SNTG1: variants seen among roughly 807,000 people sequenced by gnomAD.
The protein encoded by SNTG1 is syntrophin gamma 1.
In SNTG1, 39 loss-of-function variants were observed where a neutral mutation model predicts 74.7. That is an observed-to-expected ratio of 0.52 (90% CI 0.40 to 0.68). The LOEUF is 0.68. Ranked by LOEUF, SNTG1 falls within the 30% of genes least tolerant of loss-of-function variation. SNTG1 has a pLI of 0.00. For synonymous variants in SNTG1, 254 were observed against 217.1 expected (o/e 1.17, Z -1.49); for missense variants, 685 against 609.5 (o/e 1.12, Z -1.30).
chr8:49,969,403 T>A (rs1323160102), intron 1 of SNTG1, among the ~76,000 whole-genome samples: 1 of 139,182 alleles, frequency 7.2e-6, no homozygotes, highest in Non-Finnish European at 1.5e-5. Context: ...TTTTTTTTTT[T>A]TTTTTTTTTT....
chr8:50,762,471 A>G, intron 18 of SNTG1: 1 of 339,022 alleles, frequency 2.9e-6, no homozygotes, highest in South Asian at 2.8e-5. Context: ...TTTGTAATAA[A>G]TAAGGCAGTG....
chr8:50,360,629 C>T (rs763936330), intron 2 of SNTG1, among the ~76,000 whole-genome samples: 1 of 152,146 alleles, frequency 6.6e-6, no homozygotes, highest in Non-Finnish European at 1.5e-5. Context: ...ATGGGATAGC[C>T]TATTGGTCTT....
intron 1 of SNTG1, among the ~76,000 whole-genome samples, chr8:50,023,546 A>G (rs1817007371): frequency 6.6e-6 from 1 of 152,160 alleles, no homozygotes; most frequent in African/African-American, 2.4e-5. Context: ...GTCCTTAAAA[A>G]GTTTATTCAT....
At chr8:50,330,864 A>G (rs1263925772) in intron 2 of SNTG1, among the ~76,000 whole-genome samples, 1 of 152,220 alleles carries the variant, frequency 6.6e-6, no homozygotes, top group Non-Finnish European at 1.5e-5. Context: ...TCACAAGAAC[A>G]GAATAGGAAA....
chr8:49,912,482 C>G (rs1347600792), intron 1 of SNTG1, among the ~76,000 whole-genome samples: 1 of 152,164 alleles, frequency 6.6e-6, no homozygotes, highest in Non-Finnish European at 1.5e-5. Context: ...CTTTTTGGAT[C>G]TGGCATATCT....
intron 15 of SNTG1, among the ~76,000 whole-genome samples, chr8:50,668,360 T>G (rs1223976880): frequency 6.6e-6 from 1 of 151,742 alleles, no homozygotes; most frequent in Non-Finnish European, 1.5e-5. Context: ...TTCATTGACC[T>G]ATATTTGCTC....
intron 2 of SNTG1, among the ~76,000 whole-genome samples, chr8:50,316,610 C>A (rs1438932685): frequency 6.6e-6 from 1 of 151,926 alleles, no homozygotes; most frequent in Non-Finnish European, 1.5e-5. Context: ...ATGACCTAGG[C>A]CATATGACAA....
At chr8:50,548,734 T>C (rs2094405506) in intron 11 of SNTG1, among the ~76,000 whole-genome samples, 1 of 152,050 alleles carries the variant, frequency 6.6e-6, no homozygotes, top group Non-Finnish European at 1.5e-5. Flanking sequence ...GTGGAAGAGA[T>C]TCATTCCAAA....
chr8:50,584,512 C>CTTTTTTT (rs34546157), intron 12 of SNTG1, among the ~76,000 whole-genome samples: 4 of 126,782 alleles, frequency 3.2e-5, no homozygotes, highest in African/African-American at 3.0e-5. Flanking sequence ...TTCTCTGATT[C>CTTTTTTT]TTTTTTTTTT....
intron 1 of SNTG1, among the ~76,000 whole-genome samples, chr8:50,154,218 A>AC (rs950622375): frequency 6.6e-5 from 10 of 151,834 alleles, no homozygotes; most frequent in Admixed American, 6.6e-5. Context: ...TGGGTGTGGG[A>AC]CCCCCCAAGC....
At chr8:50,049,550 A>G (rs375537529) in intron 1 of SNTG1, among the ~76,000 whole-genome samples, 5 of 152,076 alleles carry the variant, frequency 3.3e-5, no homozygotes, top group East Asian at 1.9e-4. Flanking sequence ...ATTATATTTG[A>G]GCACTCATCT....
intron 15 of SNTG1, among the ~76,000 whole-genome samples, chr8:50,680,293 T>G (rs1232038531): frequency 6.6e-6 from 1 of 152,126 alleles, no homozygotes; most frequent in Non-Finnish European, 1.5e-5. Flanking sequence ...TAAGATAGTA[T>G]TATATAGTAT....
chr8:50,164,520 G>T (rs2082543987), intron 1 of SNTG1: 2 of 152,158 alleles, frequency 1.3e-5, no homozygotes, highest in African/African-American at 4.8e-5. Context: ...TTGTTAAGTA[G>T]ATAATTTTTA....
At chr8:49,981,871 G>A (rs1812710444) in intron 1 of SNTG1, among the ~76,000 whole-genome samples, 2 of 151,972 alleles carry the variant, frequency 1.3e-5, no homozygotes, top group African/African-American at 4.8e-5. Flanking sequence ...AAAAGTCTTT[G>A]TAGTGAAATA....
At chr8:50,643,516 G>T (rs1186937542) in intron 13 of SNTG1, among the ~76,000 whole-genome samples, 4 of 152,186 alleles carry the variant, frequency 2.6e-5, no homozygotes, top group African/African-American at 9.6e-5. Context: ...AGGCTCATTT[G>T]TAAACTCGCA....
intron 1 of SNTG1, among the ~76,000 whole-genome samples, chr8:50,054,704 C>T (rs138020289): frequency 6.6e-6 from 1 of 152,166 alleles, no homozygotes; most frequent in African/African-American, 2.4e-5. Context: ...TGGGGTTTTA[C>T]TCCGTTCCCC....
At chr8:50,298,264 T>C (rs965889946) in intron 2 of SNTG1, among the ~76,000 whole-genome samples, 2 of 152,118 alleles carry the variant, frequency 1.3e-5, no homozygotes, top group Non-Finnish European at 2.9e-5. Flanking sequence ...GAAGTAATAA[T>C]ACCTGGAAAT....
chr8:50,156,620 C>T (rs2082263371), intron 1 of SNTG1, among the ~76,000 whole-genome samples: 1 of 151,942 alleles, frequency 6.6e-6, no homozygotes, highest in Non-Finnish European at 1.5e-5. Context: ...CATGTATTTC[C>T]TAGTTGTGCC....
intron 2 of SNTG1, among the ~76,000 whole-genome samples, chr8:50,262,734 A>G (rs1166515981): frequency 2.6e-5 from 4 of 152,074 alleles, no homozygotes; most frequent in South Asian, 2.1e-4. Flanking sequence ...TAAAAGATCA[A>G]TGAAATCAAT....
Sources: gnomAD v4.1 joint callset for allele counts (sites outside exome capture counted in the v4.1 genomes callset) on GRCh38, gnomAD v4.1.1 for gene constraint, MANE v1.5 for transcripts, NCBI Gene and HGNC (gene_info 2026-07-23, HGNC 2026-07-21) for gene names.